Variants in RYR2 observed in about 807,000 individuals in gnomAD.
The protein encoded by RYR2 is cardiac muscle ryanodine receptor-calcium release channel.
Under a neutral mutation model 601.1 loss-of-function variants are expected in RYR2, and 227 were observed. The ratio of observed to expected loss-of-function variants is 0.38; its 90% CI spans 0.34 to 0.42. The LOEUF is 0.42. Among genes scored for constraint, RYR2 ranks in the 10% least tolerant of loss-of-function variants. The pLI is 1.00. For missense variants in RYR2, 4,646 were observed against 6,156.5 expected (o/e 0.75, Z 8.21); for synonymous variants, 2,223 against 2,175.1 (o/e 1.02, Z -0.61).
intron 1 of RYR2, among the ~76,000 whole-genome samples, chr1:237,257,386 A>G (rs1350029823): frequency 2.6e-5 from 4 of 152,198 alleles, no homozygotes; most frequent in Admixed American, 6.5e-5. Context: ...TATGATAGGT[A>G]TAAGTTGATA....
intron 1 of RYR2, among the ~76,000 whole-genome samples, chr1:237,154,485 A>T (rs1675088242): frequency 1.3e-5 from 2 of 152,152 alleles, no homozygotes; most frequent in Non-Finnish European, 2.9e-5. Flanking sequence ...GGTCAGTGAA[A>T]CACTCCAAAC....
intron 2 of RYR2, among the ~76,000 whole-genome samples, chr1:237,300,382 A>G (rs908711693): frequency 1.3e-5 from 2 of 152,190 alleles, no homozygotes; most frequent in Non-Finnish European, 2.9e-5. Flanking sequence ...AAGCTACTGC[A>G]TTCCCTTATT....
intron 1 of RYR2, among the ~76,000 whole-genome samples, chr1:237,044,907 T>G (rs1209777251): frequency 2.0e-5 from 3 of 151,848 alleles, no homozygotes; most frequent in Admixed American, 6.6e-5. Context: ...GGCATTTATT[T>G]CTCTGTCATG....
intron 2 of RYR2, among the ~76,000 whole-genome samples, chr1:237,327,998 T>A (rs1212881336): frequency 6.6e-6 from 1 of 152,252 alleles, no homozygotes; most frequent in African/African-American, 2.4e-5. Flanking sequence ...ATCAGTCTAA[T>A]GGCACGCTGG....
Position 237,764,022 on chromosome 1 carries a change from A to C in RYR2, c.11476+2994A>C, listed in dbSNP as rs566231403. On this transcript the variant is annotated intron_variant, in intron 84 of 104. Coordinates refer to ENST00000366574, the MANE Select transcript of RYR2 (RefSeq NM_001035.3). ...CTCAGAGAGCATGGGCTTAGCACTG[A>C]GAAAATAATCTGTTGTACCTGAATC... Among the ~76,000 whole-genome samples, 4 of 152,366 alleles carry C rather than the reference A, an allele frequency of 2.6e-5. No individual in the cohort carries two copies. In the East Asian group the frequency reaches 7.7e-4, roughly 29 times the overall value.
chr1:237,609,555 GTATTTT>G (rs1559107664), intron 35 of RYR2, among the ~76,000 whole-genome samples: 1 of 151,808 alleles, frequency 6.6e-6, no homozygotes, highest in East Asian at 1.9e-4. Flanking sequence ...GCGAATTTTT[GTATTTT>G]TAGCAGTGGG....
At chr1:237,600,956 G>A (rs1676438087) in intron 34 of RYR2, among the ~76,000 whole-genome samples, 1 of 152,186 alleles carries the variant, frequency 6.6e-6, no homozygotes, top group Admixed American at 6.5e-5. Context: ...TGGCAAGGAT[G>A]TTGAGGAAGA....
intron 96 of RYR2, among the ~76,000 whole-genome samples, 162 bp downstream of exon 96, chr1:237,795,493 C>T (rs900448196): frequency 1.3e-5 from 2 of 151,538 alleles, no homozygotes; most frequent in African/African-American, 4.9e-5. Context: ...ACTCCGTCAC[C>T]CAGGCTGGAG....
intron 4 of RYR2, 90 bp from the exon 5 acceptor site, chr1:237,364,268 C>T (rs1209273325): frequency 5.2e-6 from 6 of 1,152,938 alleles, no homozygotes; most frequent in South Asian, 4.4e-5. Flanking sequence ...TTTAGGATAA[C>T]GGAGTCTTTA....
intron 12 of RYR2, among the ~76,000 whole-genome samples, chr1:237,431,829 C>T (rs1175024095): frequency 6.6e-6 from 1 of 152,044 alleles, no homozygotes; most frequent in Non-Finnish European, 1.5e-5. Context: ...AGTGAATGCA[C>T]CTGGCCAAAG....
rs539566046 is a variant in RYR2 at position 237,166,434 on chromosome 1, A to G, written c.49-104063A>G. Among the ~76,000 whole-genome samples, 9 of 152,326 alleles carry G rather than the reference A, an allele frequency of 5.9e-5. No homozygotes were observed. In the South Asian group the frequency reaches 1.9e-3, roughly 32 times the overall value. On this transcript the variant is annotated intron_variant, in intron 1 of 104. Transcript: ENST00000366574. ...GATCTTTTGAAATTTGAGATTTGCT[A>G]TTCTTTACAATAAAATTTAAGCTGA...
At chr1:237,591,956 T>C (rs1675253012) in intron 32 of RYR2, 103 bp downstream of exon 32, 1 of 850,640 alleles carries the variant, frequency 1.2e-6, no homozygotes, top group African/African-American at 1.7e-5. Flanking sequence ...ACATTATTTT[T>C]AAAATGTCTG....
rs114745695 is a variant in RYR2 at position 237,167,760 on chromosome 1, T to G, written c.49-102737T>G. On this transcript the variant is annotated intron_variant, in intron 1 of 104. Transcript: ENST00000366574. ...AATTTAGAGATGAGGTCTTGCTGTG[T>G]CACCCAGGCTGGACTGCAGTGGCTG... Among the ~76,000 whole-genome samples the G allele has an allele frequency of 2.8e-3, 397 of 144,154 alleles. 1 individual carries two copies. Among genetic ancestry groups the G allele is most frequent in the African/African-American group, 9.6e-3 (370 of 38,406 alleles). 94.6% of individuals were successfully genotyped at this position (144,154 alleles called of 152,430 possible). A position where few individuals can be genotyped will look rare whatever the true frequency, so the allele number is the denominator to read the frequency against.
At chr1:237,827,489 G>C (rs1663233262) in intron 101 of RYR2, among the ~76,000 whole-genome samples, 1 of 152,022 alleles carries the variant, frequency 6.6e-6, no homozygotes, top group African/African-American at 2.4e-5. Context: ...AATTATCAGG[G>C]TGTGGTGGTG....
chr1:237,326,103 AAGCCAAGTAGTTGATGG>A (rs1696145930), intron 2 of RYR2, among the ~76,000 whole-genome samples: 4 of 152,136 alleles, frequency 2.6e-5, no homozygotes, highest in Non-Finnish European at 5.9e-5. Flanking sequence ...ACAACTCTGG[AAGCCAAGTAGTTGATGG>A]ATACTTTGGT....
At chr1:237,776,233 T>C (rs1263877658) in intron 87 of RYR2, among the ~76,000 whole-genome samples, 1 of 152,168 alleles carries the variant, frequency 6.6e-6, no homozygotes, top group Admixed American at 6.6e-5. Context: ...AAAGATCTAT[T>C]GCTTTCAAAC....
intron 1 of RYR2, among the ~76,000 whole-genome samples, chr1:237,208,936 G>GTGTGTGTATATA (rs1418847642): frequency 5.6e-5 from 5 of 89,872 alleles, no homozygotes; most frequent in South Asian, 3.9e-4. Flanking sequence ...ATGTGTGTGT[G>GTGTGTGTATATA]TATATATATA....
intron 2 of RYR2, among the ~76,000 whole-genome samples, chr1:237,312,013 G>A (rs751557683): frequency 2.0e-5 from 3 of 152,184 alleles, no homozygotes; most frequent in Non-Finnish European, 4.4e-5. Flanking sequence ...GGTACTGGGA[G>A]ATGGACTATA....
intron 2 of RYR2, among the ~76,000 whole-genome samples, chr1:237,316,140 A>G (rs1462880528): frequency 6.6e-6 from 1 of 152,222 alleles, no homozygotes; most frequent in Non-Finnish European, 1.5e-5. Flanking sequence ...TAGAAATTAC[A>G]TTGAGAAACT....
Sources: gnomAD v4.1 joint callset for allele counts (sites outside exome capture counted in the v4.1 genomes callset) on GRCh38, gnomAD v4.1.1 for gene constraint, MANE v1.5 for transcripts, NCBI Gene and HGNC (gene_info 2026-07-23, HGNC 2026-07-21) for gene names.